Variants in PRDM2 observed in about 807,000 individuals in gnomAD.
PRDM2 encodes PR domain zinc finger protein 2.
A neutral mutation model predicts 130.0 loss-of-function variants in PRDM2; 30 were observed. The ratio of observed to expected loss-of-function variants is 0.23; its 90% CI spans 0.17 to 0.31. The LOEUF (loss-of-function observed/expected upper bound fraction) is 0.31, where lower values mean the gene tolerates loss of function less well. Ranked by LOEUF, PRDM2 falls within the 10% of genes least tolerant of loss-of-function variation. The pLI is 1.00. For synonymous variants in PRDM2, 871 were observed against 782.4 expected (o/e 1.11, Z -1.89); for missense variants, 2,011 against 2,108.4 (o/e 0.95, Z 0.90).
Position 13,756,931 on chromosome 1 carries a change from TC to T in PRDM2, c.511+7445del, listed in dbSNP as rs1357549280. Among the ~76,000 whole-genome samples, 3 of 152,236 alleles carry T rather than the reference TC, an allele frequency of 2.0e-5. No homozygotes were observed. The East Asian group carries it at 5.8e-4, about 29-fold the overall frequency. On this transcript the variant is annotated intron_variant, in intron 6 of 9. Coordinates refer to ENST00000311066, the MANE Select transcript of PRDM2 (RefSeq NM_001393986.1). ...GAGGGGTTATGTGCTTTGGCCGAGT[TC>T]ACACAGGTCCTAAATAAAAGGCTCT...
At chr1:13,775,900 T>C (rs1557642291) in intron 7 of PRDM2, among the ~76,000 whole-genome samples, 1 of 152,340 alleles carries the variant, frequency 6.6e-6, no homozygotes, top group East Asian at 1.9e-4. Flanking sequence ...ATCTCCCAGA[T>C]GGCAGTCTCC....
chr1:13,787,293 A>G, intron 8 of PRDM2: 4 of 984,082 alleles, frequency 4.1e-6, no homozygotes, highest in Non-Finnish European at 4.8e-6. Flanking sequence ...GTATGTCTAC[A>G]CGTAAGTATA....
At chr1:13,789,914 C>T (rs1463222955) in intron 8 of PRDM2, among the ~76,000 whole-genome samples, 3 of 152,230 alleles carry the variant, frequency 2.0e-5, no homozygotes, top group Admixed American at 6.5e-5. Context: ...CTGATGGCAC[C>T]ACTCCTGCAG....
At chr1:13,802,772 T>C (rs1044654923) in intron 8 of PRDM2, among the ~76,000 whole-genome samples, 5 of 152,240 alleles carry the variant, frequency 3.3e-5, no homozygotes, top group African/African-American at 9.6e-5. Flanking sequence ...TGTTCATCAG[T>C]CTTCACACAC....
At chr1:13,765,340 G>A (rs1434957702) in intron 6 of PRDM2, among the ~76,000 whole-genome samples, 1 of 152,128 alleles carries the variant, frequency 6.6e-6, no homozygotes, top group Non-Finnish European at 1.5e-5. Flanking sequence ...TCCATTTCCA[G>A]CTTCTCTCTT....
chr1:13,719,816 A>T (rs368328534), intron 2 of PRDM2, among the ~76,000 whole-genome samples: 35 of 152,206 alleles, frequency 2.3e-4, no homozygotes, highest in African/African-American at 7.9e-4. Flanking sequence ...GTTCCAGCAT[A>T]GTAGCTTAGA....
chr1:13,707,174 T>A (rs2495059), intron 1 of PRDM2, among the ~76,000 whole-genome samples: 1 of 152,130 alleles, frequency 6.6e-6, no homozygotes, highest in African/African-American at 2.4e-5. Flanking sequence ...TGAAAAGAGC[T>A]TCGAGCAGCT....
chr1:13,729,019 T>C (rs1288062429), intron 2 of PRDM2, among the ~76,000 whole-genome samples: 1 of 152,188 alleles, frequency 6.6e-6, no homozygotes, highest in African/African-American at 2.4e-5. Flanking sequence ...TAGGACTGAC[T>C]ATAGGCACTC....
chr1:13,740,633 C>T (rs1033535647), intron 4 of PRDM2, among the ~76,000 whole-genome samples: 6 of 152,156 alleles, frequency 3.9e-5, no homozygotes, highest in African/African-American at 9.7e-5. Context: ...GACAATTAAA[C>T]AGGTGACTTT....
chr1:13,720,691 G>A (rs1480905643), intron 2 of PRDM2, among the ~76,000 whole-genome samples: 1 of 152,178 alleles, frequency 6.6e-6, no homozygotes, highest in African/African-American at 2.4e-5. Flanking sequence ...TTTCCGTTCA[G>A]TAAGTCATTT....
rs865832949 is a variant in PRDM2, at chr1:13,816,470, C to T, written c.5080C>T (p.Pro1694Ser). ...GTCCCGATGCTCTCCACCAGCGGCC[C>T]CGTACATCACCAGGCAGTATAGGAA... ...LASRCSPPAA[P>S]YITRQYRKVK... The change falls in exon 9 of 10, where the codon CCG becomes TCG. Residue 1694 changes from proline (P) to serine (S), a missense_variant. By Grantham distance (74) the Pro-to-Ser change is moderately conservative (BLOSUM62 -1). Transcript: ENST00000311066. The T allele has an allele frequency of 6.2e-7, 1 of 1,614,192 alleles. No individual in the cohort carries two copies. Among genetic ancestry groups the T allele is most frequent in the Non-Finnish European group, 8.5e-7 (1 of 1,180,020 alleles).
chr1:13,799,029 C>CT (rs1439696815), intron 8 of PRDM2, among the ~76,000 whole-genome samples: 2 of 152,174 alleles, frequency 1.3e-5, no homozygotes, highest in Non-Finnish European at 2.9e-5. Context: ...GGTAATGTGA[C>CT]TTAGTCAGCT....
At chr1:13,792,343 A>G (rs887388436) in intron 8 of PRDM2, among the ~76,000 whole-genome samples, 12 of 152,296 alleles carry the variant, frequency 7.9e-5, no homozygotes, top group African/African-American at 2.9e-4. Flanking sequence ...GGGTATTTTA[A>G]TTTTTTAACT....
intron 8 of PRDM2, among the ~76,000 whole-genome samples, chr1:13,793,258 G>A (rs1337031153): frequency 1.3e-5 from 2 of 152,378 alleles, no homozygotes; most frequent in African/African-American, 2.4e-5. Flanking sequence ...TGCCGTGCGC[G>A]TTACAGAAGG....
intron 2 of PRDM2, among the ~76,000 whole-genome samples, chr1:13,723,499 C>T (rs1279360100): frequency 6.6e-6 from 1 of 152,132 alleles, no homozygotes; most frequent in Non-Finnish European, 1.5e-5. Flanking sequence ...AGGAATTGGA[C>T]GTGACAGATT....
chr1:13,776,108 G>A (rs1038856206), intron 7 of PRDM2, among the ~76,000 whole-genome samples: 1 of 152,006 alleles, frequency 6.6e-6, no homozygotes, highest in Non-Finnish European at 1.5e-5. Flanking sequence ...AGATGCTTCC[G>A]TACCACACTC....
chr1:13,805,801 G>A (rs1189844569), intron 8 of PRDM2, among the ~76,000 whole-genome samples: 1 of 152,192 alleles, frequency 6.6e-6, no homozygotes, highest in Non-Finnish European at 1.5e-5. Context: ...GGTGCAAGGA[G>A]GGACCAGGGC....
At chr1:13,808,073 C>T (rs1344384134) in intron 8 of PRDM2, among the ~76,000 whole-genome samples, 1 of 152,198 alleles carries the variant, frequency 6.6e-6, no homozygotes, top group African/African-American at 2.4e-5. Flanking sequence ...CCAGACACTT[C>T]TGGGCAAAGC....
chr1:13,793,546 T>G (rs1415008497), intron 8 of PRDM2, among the ~76,000 whole-genome samples: 1 of 152,202 alleles, frequency 6.6e-6, no homozygotes, highest in Non-Finnish European at 1.5e-5. Context: ...AAGCCCTTTG[T>G]GGGAACTGAG....
Sources: gnomAD v4.1 joint callset for allele counts (sites outside exome capture counted in the v4.1 genomes callset) on GRCh38, gnomAD v4.1.1 for gene constraint, MANE v1.5 for transcripts, NCBI Gene and HGNC (gene_info 2026-07-23, HGNC 2026-07-21) for gene names.